The following NFATC3 variants were observed in gnomAD, a reference collection of about 807,000 sequenced individuals.
NFATC3 encodes nuclear factor of activated T-cells, cytoplasmic 3.
A neutral mutation model predicts 98.6 loss-of-function variants in NFATC3; 46 were observed. The ratio of observed to expected loss-of-function variants is 0.47; its 90% CI spans 0.37 to 0.60. The LOEUF (loss-of-function observed/expected upper bound fraction) is 0.60. Ranked by LOEUF, NFATC3 falls within the 20% of genes least tolerant of loss-of-function variation. NFATC3 has a pLI of 0.00. For missense variants in NFATC3, 1,256 were observed against 1,295.5 expected, an observed-to-expected ratio of 0.97 and a Z score of 0.47; for synonymous variants, 512 against 472.2, an observed-to-expected ratio of 1.08 and a Z score of -1.09.
chr16:68,212,984 A>G (rs989831660), intron 9 of NFATC3, among the ~76,000 whole-genome samples: 11 of 127,134 alleles, frequency 8.7e-5, no homozygotes, highest in Non-Finnish European at 1.5e-4. Flanking sequence ...TATTTTTAGT[A>G]GAGACAGGGT....
intron 3 of NFATC3, among the ~76,000 whole-genome samples, chr16:68,136,734 C>T (rs954470244): frequency 1.3e-5 from 2 of 151,802 alleles, no homozygotes; most frequent in Admixed American, 6.6e-5. Context: ...GATGGTATAC[C>T]CTAATATGTG....
At chr16:68,145,729 G>T (rs1373357092) in intron 3 of NFATC3, among the ~76,000 whole-genome samples, 2 of 152,112 alleles carry the variant, frequency 1.3e-5, no homozygotes. Context: ...ATGAAGGGGT[G>T]GCCCAAGAGA....
chr16:68,101,075 C>T (rs1348701240), intron 1 of NFATC3, among the ~76,000 whole-genome samples: 1 of 152,066 alleles, frequency 6.6e-6, no homozygotes, highest in Non-Finnish European at 1.5e-5. Context: ...ATGGATTGCA[C>T]TTTTGGTGTT....
chr16:68,159,589 A>AT (rs908891803), intron 4 of NFATC3, among the ~76,000 whole-genome samples: 7 of 150,942 alleles, frequency 4.6e-5, no homozygotes, highest in African/African-American at 1.5e-4. Flanking sequence ...CGCCCGGCTA[A>AT]TTTTTTTGTA....
chr16:68,192,251 A>ATATATATATATATATATATGTATG (rs1427447833), intron 9 of NFATC3: 3 of 109,120 alleles, frequency 2.7e-5, no homozygotes, highest in African/African-American at 9.4e-5. Flanking sequence ...ATATATATAT[A>ATATATATATATATATATATGTATG]TATGTATGTG....
chr16:68,183,017 T>C (rs909840876), intron 7 of NFATC3, among the ~76,000 whole-genome samples: 7 of 152,276 alleles, frequency 4.6e-5, no homozygotes, highest in East Asian at 1.9e-4. Flanking sequence ...AGAAACCCAA[T>C]TGGGTGAGTA....
Position 68,122,294 on chromosome 16 carries a change from A to C in NFATC3, c.411A>C (p.Glu137Asp). The C allele has an allele frequency of 1.2e-6, 2 of 1,614,092 alleles. No homozygotes were observed. The highest frequency in any genetic ancestry group is 1.7e-6 in the Non-Finnish European group (2 of 1,179,994). ...HEDDLQINDP[E>D]REFLERPSRD... The stretch of plus-strand genomic sequence containing the variant: ...ATGACCTACAGATAAATGACCCAGA[A>C]CGGGAATTTTTGGAAAGGCCTTCTA... The change falls in exon 2 of 10, where the codon GAA (glutamate) becomes GAC (aspartate). Residue 137 changes from glutamate to aspartate, a missense_variant. Transcript: ENST00000346183.
At chr16:68,192,226 AAAAAAT>A (rs2040445835) in intron 9 of NFATC3, 3 of 59,646 alleles carry the variant, frequency 5.0e-5, no homozygotes, top group East Asian at 1.4e-3. Context: ...AAAAAAAAAA[AAAAAAT>A]ATATATATAT....
chr16:68,167,810 C>CCTTTTTTT lies in NFATC3; in HGVS notation c.1774+795_1774+796insCTTTTTTT, dbSNP rs2039270785. Among the ~76,000 whole-genome samples the CCTTTTTTT allele has an allele frequency of 2.1e-4, 5 of 23,898 alleles. No individual in the cohort carries two copies. In the East Asian group the frequency reaches 9.4e-3, roughly 45 times the overall value. The allele number at this position is 23,898 out of a possible 152,430, so 15.7% of individuals were successfully genotyped here. A position where few individuals can be genotyped will look rare whatever the true frequency, so the allele number is the denominator to read the frequency against. On this transcript the variant is annotated intron_variant, in intron 5 of 9. Coordinates refer to ENST00000346183, the MANE Select transcript of NFATC3 (RefSeq NM_173165.3). The stretch of plus-strand genomic sequence containing the variant: ...TTTATATCTGTTAACCGTATGTGTT[C>CCTTTTTTT]TTTTTTTTTTTTTTTTTTTTTTTTT...
intron 1 of NFATC3, among the ~76,000 whole-genome samples, chr16:68,113,631 G>A (rs2036102632): frequency 6.6e-6 from 1 of 152,178 alleles, no homozygotes; most frequent in African/African-American, 2.4e-5. Flanking sequence ...AGGTTCGGCT[G>A]TGCTGGGGAG....
At chr16:68,114,848 C>T (rs2036187878) in intron 1 of NFATC3, among the ~76,000 whole-genome samples, 2 of 152,082 alleles carry the variant, frequency 1.3e-5, no homozygotes, top group Admixed American at 1.3e-4. Context: ...GCTGAGATTA[C>T]AGGCGTCAGC....
At chr16:68,148,423 A>G (rs2038149590) in intron 3 of NFATC3, among the ~76,000 whole-genome samples, 2 of 152,216 alleles carry the variant, frequency 1.3e-5, no homozygotes, top group Admixed American at 1.3e-4. Context: ...AAATGTGTAA[A>G]AAAATTACAA....
rs749645961 is a variant in NFATC3 at position 68,122,980 on chromosome 16, C to T, written c.1097C>T (p.Ser366Leu). 1.9e-6 allele frequency: 3 copies of T among 1,614,148 alleles called. No homozygotes were observed. The highest frequency in any genetic ancestry group is 1.1e-5 in the South Asian group (1 of 91,082). Residue 366 changes from serine to leucine, a missense_variant, in exon 2 of 10, where the codon TCA becomes TTA. Ser to Leu is a moderately radical substitution (Grantham distance 145). Transcript: ENST00000346183. ...ELCSDDQGSL[S>L]PARETSIDDG... is the part of the protein sequence containing the mutation. ...TGTTCAGATGACCAAGGGAGTTTATCACCAGCCCGGGAGACTTCAATAGAT... is the reference window on the plus strand; with the variant it reads ...TGTTCAGATGACCAAGGGAGTTTATTACCAGCCCGGGAGACTTCAATAGAT...
chr16:68,174,335 T>C, intron 5 of NFATC3, 39 bp from the exon 6 acceptor site: 1 of 1,358,108 alleles, frequency 7.4e-7, no homozygotes, highest in Non-Finnish European at 9.6e-7. Context: ...TTAACTAATA[T>C]TTTGTTTTTT....
chr16:68,181,216 A>G (rs544621360), intron 6 of NFATC3, among the ~76,000 whole-genome samples: 2 of 152,288 alleles, frequency 1.3e-5, no homozygotes, highest in South Asian at 4.1e-4. Context: ...GTGAGATGGT[A>G]TCTCTCAGAG....
intron 1 of NFATC3, 32 bp downstream of exon 1, chr16:68,085,816 G>T: frequency 6.5e-6 from 9 of 1,386,406 alleles, no homozygotes; most frequent in South Asian, 1.6e-5. Flanking sequence ...ACCGTGGAGC[G>T]ACCCCGCTTC....
chr16:68,104,728 T>G (rs2035559479), intron 1 of NFATC3, among the ~76,000 whole-genome samples: 1 of 149,950 alleles, frequency 6.7e-6, no homozygotes, highest in Non-Finnish European at 1.5e-5. Flanking sequence ...CTCTGCTCAC[T>G]GCAAGCTCCG....
At chr16:68,105,688 G>A (rs1377314727) in intron 1 of NFATC3, among the ~76,000 whole-genome samples, 2 of 152,116 alleles carry the variant, frequency 1.3e-5, no homozygotes, top group African/African-American at 2.4e-5. Context: ...TCTTGTCTAA[G>A]TGTTCATTAG....
intron 8 of NFATC3, among the ~76,000 whole-genome samples, chr16:68,183,726 A>T (rs1029869706): frequency 6.6e-6 from 1 of 152,154 alleles, no homozygotes; most frequent in African/African-American, 2.4e-5. Flanking sequence ...CAGTGTGGCC[A>T]GGCGCAGTGG....
Sources: allele counts gnomAD v4.1 joint callset (sites outside exome capture counted in the v4.1 genomes callset), GRCh38; gene constraint gnomAD v4.1.1; transcripts MANE v1.5; gene names NCBI Gene and HGNC (gene_info 2026-07-23, HGNC 2026-07-21).